Variants in OXNAD1 observed in about 807,000 individuals in gnomAD.
The protein encoded by OXNAD1 is oxidoreductase NAD binding domain containing 1, also known as oxidoreductase NAD-binding domain-containing protein 1.
Under a neutral mutation model 32.9 loss-of-function variants are expected in OXNAD1, and 34 were observed. That is an observed-to-expected ratio of 1.03 (90% CI 0.79 to 1.38). The LOEUF (loss-of-function observed/expected upper bound fraction) is 1.38. OXNAD1 is among the 40% of genes most tolerant of loss of function. OXNAD1 has a pLI of 0.00. For synonymous variants in OXNAD1, 134 were observed against 135.2 expected (o/e 0.99, Z 0.06); for missense variants, 407 against 379.4 (o/e 1.07, Z -0.60).
In OXNAD1 at chr3:16,314,409, G is replaced by T. The variant is rs2068190157; in HGVS notation, c.*30+10817G>T. 6.6e-6 allele frequency: 1 copy of T among 152,176 alleles called. No individual in the cohort carries two copies. The highest frequency in any genetic ancestry group is 1.5e-5 in the Non-Finnish European group (1 of 68,042). The allele number at this position is 152,176 out of a possible 1,614,324, so 9.4% of individuals were successfully genotyped here. A position where few individuals can be genotyped will look rare whatever the true frequency, so the allele number is the denominator to read the frequency against. On this transcript the variant is annotated intron_variant, in intron 9 of 9. Transcript: ENST00000435829. The surrounding 1 kb of genome is among the most constrained non-coding windows in gnomAD (Gnocchi z 4.4). Reference sequence around the variant, plus strand: ...TCAACTGACAGAGACCCTGTGGCCAGTGGTATTCAACTTTGGCTGCACCTA... The same window carrying T: ...TCAACTGACAGAGACCCTGTGGCCATTGGTATTCAACTTTGGCTGCACCTA...
chr3:16,265,896 T>A lies in OXNAD1; in HGVS notation c.-159+391T>A. On this transcript the variant is annotated intron_variant, in intron 1 of 8. Coordinates refer to ENST00000285083, the MANE Select transcript of OXNAD1 (RefSeq NM_138381.5). The surrounding 1 kb of genome is among the most constrained non-coding windows in gnomAD (Gnocchi z 4.8). ...TTTTTTCGTTGTGAAAGAAATGGTG[T>A]CAGTAGGCAGGTTTATCAGTGTGAG... is the stretch of plus-strand genomic sequence containing the variant. 3.0e-6 allele frequency: 3 copies of A among 985,370 alleles called. No homozygotes were observed. Among genetic ancestry groups the A allele is most frequent in the Non-Finnish European group, 3.6e-6 (3 of 829,840 alleles). 61.0% of individuals were successfully genotyped at this position (985,370 alleles called of 1,614,324 possible).
intron 4 of OXNAD1, 37 bp from the exon 5 acceptor site, chr3:16,286,305 G>A (rs771784519): frequency 5.4e-6 from 8 of 1,487,024 alleles, no homozygotes; most frequent in South Asian, 1.1e-5. Flanking sequence ...TGCTGTGTAC[G>A]CACTAACCTC....
intron 4 of OXNAD1, among the ~76,000 whole-genome samples, chr3:16,281,664 T>G (rs2065747913): frequency 6.6e-6 from 1 of 152,162 alleles, no homozygotes; most frequent in Non-Finnish European, 1.5e-5. Flanking sequence ...CTCATTGAAT[T>G]TTACATTTGG....
chr3:16,334,591 C>T lies in OXNAD1; in HGVS notation c.*31-2521C>T, dbSNP rs997010768. 1.3e-5 allele frequency among the ~76,000 whole-genome samples: 2 copies of T among 152,024 alleles called. No individual in the cohort carries two copies. The highest frequency in any genetic ancestry group is 2.9e-5 in the Non-Finnish European group (2 of 68,008). ...GGCAATGGCTGCTCATGTGTTGAGC[C>T]GGGGCATACAGGATGAAGAGGGACA... On this transcript the variant is annotated intron_variant, in intron 9 of 9. Transcript: ENST00000435829. The surrounding 1 kb of genome is among the most constrained non-coding windows in gnomAD (Gnocchi z 4.3).
At chr3:16,347,052 C>G (rs768261782) in intron 9 of OXNAD1, among the ~76,000 whole-genome samples, 1 of 152,230 alleles carries the variant, frequency 6.6e-6, no homozygotes, top group East Asian at 1.9e-4. Flanking sequence ...ATGACCACCA[C>G]CCTTATTCTA....
chr3:16,343,958 A>G (rs2071477011), intron 9 of OXNAD1, among the ~76,000 whole-genome samples: 1 of 152,200 alleles, frequency 6.6e-6, no homozygotes. Context: ...CAACTGCCTC[A>G]AAAGTGAAGA....
At chr3:16,296,326 G>C (rs2066789814) in intron 6 of OXNAD1, among the ~76,000 whole-genome samples, 1 of 152,046 alleles carries the variant, frequency 6.6e-6, no homozygotes. Flanking sequence ...AATCAAAGAA[G>C]ACATGAGTAA....
intron 2 of OXNAD1, among the ~76,000 whole-genome samples, chr3:16,270,324 G>A (rs2064835135): frequency 6.6e-6 from 1 of 152,152 alleles, no homozygotes; most frequent in South Asian, 2.1e-4. Context: ...GTTATTTGTG[G>A]TAATTCATCT....
Position 16,298,347 on chromosome 3 carries a change from T to C in OXNAD1, c.433-3279T>C, listed in dbSNP as rs996860671. On this transcript the variant is annotated intron_variant, in intron 6 of 8. Transcript: ENST00000285083. The surrounding 1 kb of genome is among the most constrained non-coding windows in gnomAD (Gnocchi z 5.1). ...GAACATCTCCCCATCCTCCCTGTTA[T>C]CCTTAGCTTCTCACGCGACCTGGCC... Among the ~76,000 whole-genome samples, 4 of 152,120 alleles carry C rather than the reference T, an allele frequency of 2.6e-5. No individual in the cohort carries two copies. Among genetic ancestry groups the C allele is most frequent in the African/African-American group, 7.2e-5 (3 of 41,412 alleles).
rs1224249339 is a variant in OXNAD1 at position 16,348,408 on chromosome 3, C to T, written c.*31-768C>T. ...TGCCTTCTCTTCCAGCTGGCCTCTG[C>T]TCCTGTCACTTCCCACAGCAGGAAG... On this transcript the variant is annotated intron_variant, in intron 9 of 9. Coordinates refer to the OXNAD1 transcript ENST00000606098. This position sits in a 1 kb window ranked among gnomAD's most constrained non-coding sequence, Gnocchi z 6.3. Among the ~76,000 whole-genome samples the T allele has an allele frequency of 6.6e-6, 1 of 152,178 alleles. No homozygotes were observed. Among genetic ancestry groups the T allele is most frequent in the Non-Finnish European group, 1.5e-5 (1 of 68,032 alleles).
At position 16,349,381 on chromosome 3, in the gene OXNAD1, G is replaced by C. The variant is rs577109688; in HGVS notation, c.*236G>C. 2.3e-3 allele frequency: 348 copies of C among 152,328 alleles called. 2 individuals are homozygous for C. The highest frequency in any genetic ancestry group is 3.4e-3 in the Middle Eastern group (1 of 294). The allele number at this position is 152,328 out of a possible 1,614,324, so 9.4% of individuals were successfully genotyped here. On this transcript the variant is annotated 3_prime_UTR_variant, in exon 10 of 10. Transcript: ENST00000606098. ...GAGTGTGAATTTATAAGGACAGAAG[G>C]GGGTACCTGAGCCTCCAGGGATGGT...
intron 1 of OXNAD1, among the ~76,000 whole-genome samples, chr3:16,267,959 CTTA>C (rs1319134054): frequency 6.6e-6 from 1 of 152,132 alleles, no homozygotes; most frequent in Non-Finnish European, 1.5e-5. Context: ...TTATTTAGCA[CTTA>C]TTATACTTTT....
chr3:16,271,505 A>C lies in OXNAD1; in HGVS notation c.120-154A>C, dbSNP rs2064939259. Among the ~76,000 whole-genome samples, 1 of 152,204 alleles carries C rather than the reference A, an allele frequency of 6.6e-6. No individual in the cohort carries two copies. The highest frequency in any genetic ancestry group is 1.9e-4 in the East Asian group (1 of 5,196). ...AGGCATGAGCCACCATGCCCGGCCA[A>C]AACTTTAGTTAGACGGGCAGATACT... On this transcript the variant is annotated intron_variant, in intron 3 of 8. Coordinates refer to ENST00000285083, the MANE Select transcript of OXNAD1 (RefSeq NM_138381.5). This position sits in a 1 kb window ranked among gnomAD's most constrained non-coding sequence, Gnocchi z 4.6.
chr3:16,311,432 T>C (rs1400772460), intron 9 of OXNAD1, among the ~76,000 whole-genome samples: 1 of 152,144 alleles, frequency 6.6e-6, no homozygotes, highest in Non-Finnish European at 1.5e-5. Context: ...CCTGGCCTCT[T>C]TGGGTGTTAA....
rs1386296580 is a variant in OXNAD1, at chr3:16,336,647, A to G, written c.*31-465A>G. On this transcript the variant is annotated intron_variant, in intron 9 of 9. Transcript: ENST00000435829. This position sits in a 1 kb window ranked among gnomAD's most constrained non-coding sequence, Gnocchi z 6.0. Reference sequence around the variant, plus strand: ...ATTTTAGACAACTTAGGCTTTCATAATGTTCAAAGAGAATAATTTTTTTTT... The same window carrying G: ...ATTTTAGACAACTTAGGCTTTCATAGTGTTCAAAGAGAATAATTTTTTTTT... Among the ~76,000 whole-genome samples the G allele has an allele frequency of 6.6e-6, 1 of 152,202 alleles. No individual in the cohort carries two copies. Among genetic ancestry groups the G allele is most frequent in the Non-Finnish European group, 1.5e-5 (1 of 68,024 alleles).
Position 16,301,667 on chromosome 3 carries a change from G to C in OXNAD1, c.474G>C (p.Glu158Asp). ...DCEVAVRVGGEFFFDPQPADA... is the reference protein window; with the variant it reads ...DCEVAVRVGGDFFFDPQPADA... ...AAGTGGCTGTGAGAGTGGGTGGAGAGTTCTTCTTTGACCCTCAGCCTGCGG... is the reference window on the plus strand; with the variant it reads ...AAGTGGCTGTGAGAGTGGGTGGAGACTTCTTCTTTGACCCTCAGCCTGCGG... The change falls in exon 7 of 9, where the codon GAG becomes GAC. Residue 158 changes from glutamate (E) to aspartate (D), a missense_variant. Coordinates refer to ENST00000285083, the MANE Select transcript of OXNAD1 (RefSeq NM_138381.5). The surrounding 1 kb of genome is among the most constrained non-coding windows in gnomAD (Gnocchi z 4.1). The C allele has an allele frequency of 1.2e-6, 2 of 1,613,926 alleles. No homozygotes were observed. Among genetic ancestry groups the C allele is most frequent in the Non-Finnish European group, 1.7e-6 (2 of 1,179,938 alleles).
At position 16,288,428 on chromosome 3, in the gene OXNAD1, C is replaced by T. The variant is rs1175267472; in HGVS notation, c.290+1980C>T. Among the ~76,000 whole-genome samples the T allele has an allele frequency of 6.6e-6, 1 of 152,132 alleles. No homozygotes were observed. The highest frequency in any genetic ancestry group is 1.5e-5 in the Non-Finnish European group (1 of 68,018). Reference sequence around the variant, plus strand: ...TTTGACCAGTGGCTTCCTCTGACACCTACCAAACTCTGAGAATGAGGTTCC... The same window carrying T: ...TTTGACCAGTGGCTTCCTCTGACACTTACCAAACTCTGAGAATGAGGTTCC... On this transcript the variant is annotated intron_variant, in intron 5 of 8. Coordinates refer to ENST00000285083, the MANE Select transcript of OXNAD1 (RefSeq NM_138381.5). The surrounding 1 kb of genome is among the most constrained non-coding windows in gnomAD (Gnocchi z 5.1).
rs1167199092 is a variant in OXNAD1, at chr3:16,345,690, C to T, written c.*31-3486C>T. Among the ~76,000 whole-genome samples the T allele has an allele frequency of 6.6e-6, 1 of 152,242 alleles. No homozygotes were observed. The highest frequency in any genetic ancestry group is 3.4e-3 in the Middle Eastern group (1 of 294). ...GCTGCTAGCTCTCAGGCCTCTGAAC[C>T]ATACCACTGGCTTTCCTGGGTCTCC... On this transcript the variant is annotated intron_variant, in intron 9 of 9. Coordinates refer to the OXNAD1 transcript ENST00000606098. This position sits in a 1 kb window ranked among gnomAD's most constrained non-coding sequence, Gnocchi z 5.2.
In OXNAD1 at chr3:16,280,134, A is replaced by C. The variant is rs9813083; in HGVS notation, c.184-6208A>C. 6.6e-6 allele frequency among the ~76,000 whole-genome samples: 1 copy of C among 152,046 alleles called. No individual in the cohort carries two copies. The highest frequency in any genetic ancestry group is 6.5e-5 in the Admixed American group (1 of 15,278). ...TATGTAAAGTGCCTGACATATGGTA[A>C]GGATGTCTATAAGTGTTTGCTGCTG... On this transcript the variant is annotated intron_variant, in intron 4 of 8. Transcript: ENST00000285083. The surrounding 1 kb of genome is among the most constrained non-coding windows in gnomAD (Gnocchi z 4.5).
Sources: gnomAD v4.1 joint callset for allele counts (sites outside exome capture counted in the v4.1 genomes callset) on GRCh38, gnomAD v4.1.1 for gene constraint, Gnocchi (gnomAD v3.1) non-coding constraint, MANE v1.5 for transcripts, NCBI Gene and HGNC (gene_info 2026-07-23, HGNC 2026-07-21) for gene names.